The following PDZRN4 variants were observed in gnomAD, a reference collection of about 807,000 sequenced individuals.
PDZRN4 encodes PDZ domain containing ring finger 4.
A neutral mutation model predicts 99.0 loss-of-function variants in PDZRN4; 70 were observed. That is an observed-to-expected ratio of 0.71 (90% CI 0.58 to 0.86). The LOEUF is 0.86. Ranked by LOEUF, PDZRN4 falls within the 40% of genes least tolerant of loss-of-function variation. The probability of loss-of-function intolerance (pLI) is 0.00; values close to 1 mark genes in which losing one functional copy is unlikely to be tolerated. For missense variants in PDZRN4, 1,474 were observed against 1,331.2 expected, an observed-to-expected ratio of 1.11 and a Z score of -1.67; for synonymous variants, 551 against 501.6, an observed-to-expected ratio of 1.10 and a Z score of -1.32.
chr12:41,525,492 T>G (rs549113951), intron 5 of PDZRN4, among the ~76,000 whole-genome samples: 1 of 152,288 alleles, frequency 6.6e-6, no homozygotes, highest in South Asian at 2.1e-4. Context: ...GTGAAATATA[T>G]GTAAATATAT....
At chr12:41,216,057 C>T (rs1950919243) in intron 3 of PDZRN4, among the ~76,000 whole-genome samples, 1 of 151,894 alleles carries the variant, frequency 6.6e-6, no homozygotes, top group African/African-American at 2.4e-5. Context: ...TCTTTTCTTT[C>T]TCAGAACTCT....
intron 2 of PDZRN4, among the ~76,000 whole-genome samples, chr12:41,193,869 A>C (rs1245814671): frequency 1.3e-5 from 2 of 152,212 alleles, no homozygotes; most frequent in Admixed American, 1.3e-4. Context: ...GTAAATAGAT[A>C]ATCTTGTCAG....
chr12:41,547,081 C>T (rs1260228318), intron 5 of PDZRN4, among the ~76,000 whole-genome samples: 3 of 152,154 alleles, frequency 2.0e-5, no homozygotes, highest in Non-Finnish European at 2.9e-5. Context: ...ATTCTGGATT[C>T]TTCCAAAGGT....
chr12:41,505,703 A>T lies in PDZRN4; in HGVS notation c.844-753A>T, dbSNP rs528866532. Among the ~76,000 whole-genome samples, 160 of 149,760 alleles carry T rather than the reference A, an allele frequency of 1.1e-3. 2 individuals carry two copies. Among genetic ancestry groups the T allele is most frequent in the African/African-American group, 3.7e-3 (151 of 41,216 alleles). ...CTTCACCTCTTTCTCTGTAATGTCC[A>T]GGGCTACCTTGGAGAGTCATGAATT... is the stretch of plus-strand genomic sequence containing the variant. On this transcript the variant is annotated intron_variant, in intron 3 of 9. Coordinates refer to ENST00000402685, the MANE Select transcript of PDZRN4 (RefSeq NM_001164595.2).
intron 3 of PDZRN4, among the ~76,000 whole-genome samples, chr12:41,380,467 TA>T (rs1471168723): frequency 1.3e-5 from 2 of 152,072 alleles, no homozygotes; most frequent in African/African-American, 4.8e-5. Flanking sequence ...TGTGGCAGCA[TA>T]CTTTGATTCC....
At chr12:41,499,885 T>C (rs1423968361) in intron 3 of PDZRN4, among the ~76,000 whole-genome samples, 1 of 152,056 alleles carries the variant, frequency 6.6e-6, no homozygotes, top group Non-Finnish European at 1.5e-5. Context: ...AAATATCTCA[T>C]TGGGGTGCTG....
In PDZRN4 at chr12:41,189,002, G is replaced by A. The variant is rs1292068513; in HGVS notation, c.547G>A (p.Gly183Ser). The A allele has an allele frequency of 6.5e-7, 1 of 1,546,364 alleles. No individual in the cohort carries two copies. Among genetic ancestry groups the A allele is most frequent in the Admixed American group, 1.9e-5 (1 of 52,040 alleles). Residue 183 changes from glycine (G) to serine (S), a missense_variant, in exon 1 of 10, where the codon GGC (glycine) becomes AGC (serine). By Grantham distance (56) the Gly-to-Ser change is moderately conservative (BLOSUM62 0). Coordinates refer to ENST00000402685, the MANE Select transcript of PDZRN4 (RefSeq NM_001164595.2). ...ALLAQLWALQ[G>S]EVQLTARRYQ... The stretch of plus-strand genomic sequence containing the variant: ...GCTGGCGCAGCTCTGGGCGCTGCAG[G>A]GCGAGGTGCAGCTCACGGCGCGCAG...
intron 3 of PDZRN4, among the ~76,000 whole-genome samples, chr12:41,490,492 A>G (rs1937863624): frequency 6.6e-6 from 1 of 152,162 alleles, no homozygotes; most frequent in Non-Finnish European, 1.5e-5. Context: ...GTCGATTACA[A>G]AGTATTAGAA....
chr12:41,543,522 G>A (rs1197036503), intron 5 of PDZRN4, among the ~76,000 whole-genome samples: 2 of 152,234 alleles, frequency 1.3e-5, no homozygotes, highest in Admixed American at 1.3e-4. Context: ...CAAAACAAAT[G>A]CTTAAGGGAA....
chr12:41,316,791 T>C (rs1222045666), intron 3 of PDZRN4, among the ~76,000 whole-genome samples: 2 of 151,720 alleles, frequency 1.3e-5, no homozygotes, highest in Non-Finnish European at 2.9e-5. Flanking sequence ...CATTTTAAAT[T>C]CTGATACTTT....
At chr12:41,229,339 A>G (rs1045639315) in intron 3 of PDZRN4, among the ~76,000 whole-genome samples, 1 of 152,040 alleles carries the variant, frequency 6.6e-6, no homozygotes, top group Non-Finnish European at 1.5e-5. Context: ...AGTGCCAGAC[A>G]GGATTCTTAA....
Position 41,188,416 on chromosome 12 carries a change from G to C in PDZRN4, c.-40G>C, listed in dbSNP as rs761740799. On this transcript the variant is annotated 5_prime_UTR_variant, in exon 1 of 10. Coordinates refer to ENST00000402685, the MANE Select transcript of PDZRN4 (RefSeq NM_001164595.2). Reference sequence around the variant, plus strand: ...GAAGGCAGGGGGGCTCGGAGAAGACGGACTCTGCTTTCGCTCCCCCTTTCT... The same window carrying C: ...GAAGGCAGGGGGGCTCGGAGAAGACCGACTCTGCTTTCGCTCCCCCTTTCT... 4 of 1,497,266 alleles carry C rather than the reference G, an allele frequency of 2.7e-6. No individual in the cohort carries two copies. Among genetic ancestry groups the C allele is most frequent in the South Asian group, 2.6e-5 (2 of 77,434 alleles). 92.7% of individuals were successfully genotyped at this position (1,497,266 alleles called of 1,614,324 possible).
At chr12:41,416,633 G>T (rs1289712489) in intron 3 of PDZRN4, among the ~76,000 whole-genome samples, 1 of 152,102 alleles carries the variant, frequency 6.6e-6, no homozygotes, top group African/African-American at 2.4e-5. Flanking sequence ...CTCCAGCCTG[G>T]GCAACAACAG....
At chr12:41,450,782 A>G (rs2733296) in intron 3 of PDZRN4, among the ~76,000 whole-genome samples, 76,892 of 151,296 alleles carry the variant, frequency 0.51, 19,950 homozygotes, top group African/African-American at 0.64. Flanking sequence ...AAAGAAATTA[A>G]CCGAGCTTGG....
intron 3 of PDZRN4, among the ~76,000 whole-genome samples, chr12:41,368,931 A>G (rs1952021090): frequency 2.6e-5 from 4 of 152,070 alleles, no homozygotes; most frequent in Admixed American, 2.0e-4. Flanking sequence ...TCATATTTAC[A>G]TAAGTAAGAG....
intron 3 of PDZRN4, among the ~76,000 whole-genome samples, chr12:41,419,973 T>A (rs1217280179): frequency 1.3e-5 from 2 of 152,192 alleles, no homozygotes; most frequent in African/African-American, 4.8e-5. Context: ...TCCATGTCCT[T>A]GAAGGAAACA....
chr12:41,533,039 C>G (rs1268910051), intron 5 of PDZRN4, among the ~76,000 whole-genome samples: 2 of 152,104 alleles, frequency 1.3e-5, no homozygotes, highest in African/African-American at 4.8e-5. Flanking sequence ...ATTGATCTAT[C>G]AATTACCATT....
intron 5 of PDZRN4, among the ~76,000 whole-genome samples, chr12:41,543,071 T>TA (rs1025167885): frequency 5.3e-4 from 80 of 152,304 alleles, no homozygotes; most frequent in African/African-American, 1.9e-3. Context: ...CCTCTCTTAA[T>TA]ACATCCCTAA....
At chr12:41,219,235 T>G (rs1200180770) in intron 3 of PDZRN4, among the ~76,000 whole-genome samples, 2 of 151,886 alleles carry the variant, frequency 1.3e-5, no homozygotes, top group Non-Finnish European at 2.9e-5. Context: ...CTGAGGTTGG[T>G]GGGAAGAAGC....
Sources: allele counts gnomAD v4.1 joint callset (sites outside exome capture counted in the v4.1 genomes callset), GRCh38; gene constraint gnomAD v4.1.1; transcripts MANE v1.5; gene names NCBI Gene and HGNC (gene_info 2026-07-23, HGNC 2026-07-21).